SEMA6D: variants seen among roughly 807,000 people sequenced by gnomAD.
SEMA6D encodes semaphorin 6D.
SEMA6D carries 35 observed loss-of-function variants against 106.6 expected under a neutral mutation model. The observed-to-expected ratio is 0.33, with a 90% CI of 0.25 to 0.44. The LOEUF is 0.44. Among genes scored for constraint, SEMA6D ranks in the 20% least tolerant of loss-of-function variants. The probability of loss-of-function intolerance (pLI) is 1.00; values close to 1 mark genes in which losing one functional copy is unlikely to be tolerated. For synonymous variants in SEMA6D, 499 were observed against 487.7 expected, an observed-to-expected ratio of 1.02 and a Z score of -0.31; for missense variants, 1,185 against 1,345.9, an observed-to-expected ratio of 0.88 and a Z score of 1.87.
intron 1 of SEMA6D, among the ~76,000 whole-genome samples, chr15:47,371,137 G>A (rs145920967): frequency 7.9e-4 from 121 of 152,248 alleles, no homozygotes; most frequent in African/African-American, 2.8e-3. Context: ...TTCCTTTAGG[G>A]CCACAGTTTA....
intron 3 of SEMA6D, among the ~76,000 whole-genome samples, chr15:47,538,948 A>T (rs945009777): frequency 6.6e-6 from 1 of 152,206 alleles, no homozygotes; most frequent in African/African-American, 2.4e-5. Context: ...TATGAAGAAG[A>T]TCTACTTAGA....
chr15:47,465,484 G>C (rs918103936), intron 2 of SEMA6D, among the ~76,000 whole-genome samples: 33 of 152,244 alleles, frequency 2.2e-4, no homozygotes, highest in African/African-American at 7.2e-4. Context: ...TGTTCTAAAC[G>C]CAGTTGATAT....
Position 47,771,351 on chromosome 15 carries a change from T to TA in SEMA6D, c.2789dup (p.Tyr930Ter). 1 of 1,613,994 alleles carries TA rather than the reference T, an allele frequency of 6.2e-7. No individual in the cohort carries two copies. ...PKVPNREASL[Y>*]SPPSTLPRNS... ...AGTCCCTAACCGGGAGGCATCGCTA[T>TA]ACTCCCCTCCTTCAACTCTCCCCAG... is the stretch of plus-strand genomic sequence containing the variant. The change falls in exon 19 of 19, where the codon TAC becomes TAAC. Residue 930 changes from tyrosine to a stop codon, truncating the protein, a stop_gained and frameshift_variant. Coordinates refer to ENST00000536845, the MANE Select transcript of SEMA6D (RefSeq NM_001358351.3). LOFTEE classifies it high-confidence loss of function.
intron 1 of SEMA6D, among the ~76,000 whole-genome samples, chr15:47,198,999 A>C (rs1008753341): frequency 1.3e-5 from 2 of 152,202 alleles, no homozygotes; most frequent in African/African-American, 4.8e-5. Context: ...GAAGAGAAAA[A>C]CATTGACAAC....
chr15:47,517,198 T>A (rs1252160498), intron 3 of SEMA6D, among the ~76,000 whole-genome samples: 1 of 152,188 alleles, frequency 6.6e-6, no homozygotes, highest in Non-Finnish European at 1.5e-5. Context: ...GTTGTATGGC[T>A]GCCCCTGAAT....
At chr15:47,679,919 G>A (rs2078318419) in intron 4 of SEMA6D, among the ~76,000 whole-genome samples, 1 of 152,120 alleles carries the variant, frequency 6.6e-6, no homozygotes, top group African/African-American at 2.4e-5. Context: ...ATGTCTCCAA[G>A]CTATTAAATG....
chr15:47,222,453 C>A (rs889543802), intron 1 of SEMA6D, among the ~76,000 whole-genome samples: 1 of 152,150 alleles, frequency 6.6e-6, no homozygotes, highest in African/African-American at 2.4e-5. Context: ...CCCTTCATAG[C>A]CCCTGGATAA....
At chr15:47,680,216 A>G (rs1021933095) in intron 4 of SEMA6D, among the ~76,000 whole-genome samples, 1 of 152,152 alleles carries the variant, frequency 6.6e-6, no homozygotes, top group Non-Finnish European at 1.5e-5. Context: ...AGCTCCTAGC[A>G]TATCACATGT....
intron 2 of SEMA6D, among the ~76,000 whole-genome samples, chr15:47,413,884 G>C (rs1189933707): frequency 6.6e-6 from 1 of 152,112 alleles, no homozygotes; most frequent in Non-Finnish European, 1.5e-5. Flanking sequence ...AGCCTGATTT[G>C]CTCATTCTTG....
upstream of SEMA6D, among the ~76,000 whole-genome samples, chr15:47,715,032 G>A (rs994281858): frequency 6.6e-6 from 1 of 152,218 alleles, no homozygotes; most frequent in African/African-American, 2.4e-5. Flanking sequence ...GGGGAGCACA[G>A]AAGAAAAGCA....
At chr15:47,716,071 A>C (rs2146163564), upstream of SEMA6D, among the ~76,000 whole-genome samples, 1 of 152,316 alleles carries the variant, frequency 6.6e-6, no homozygotes, top group Non-Finnish European at 1.5e-5. Flanking sequence ...CAACCAGAAA[A>C]CACCAACTAG....
At chr15:47,322,663 T>C (rs577823559) in intron 1 of SEMA6D, among the ~76,000 whole-genome samples, 26 of 152,268 alleles carry the variant, frequency 1.7e-4, no homozygotes, top group Non-Finnish European at 2.9e-4. Context: ...GAAGGGCCTA[T>C]TTTTCTATTT....
At chr15:47,725,415 G>A (rs952575067) in intron 1 of SEMA6D, among the ~76,000 whole-genome samples, 1 of 152,150 alleles carries the variant, frequency 6.6e-6, no homozygotes, top group African/African-American at 2.4e-5. Context: ...GAAATGACTT[G>A]GAACGTTTTT....
intron 1 of SEMA6D, among the ~76,000 whole-genome samples, chr15:47,263,574 A>C (rs2034177040): frequency 6.6e-6 from 1 of 152,062 alleles, no homozygotes; most frequent in East Asian, 2.0e-4. Flanking sequence ...TGTGGAGAAA[A>C]AGGAGCACGT....
chr15:47,667,298 A>T (rs2078047100), intron 4 of SEMA6D, among the ~76,000 whole-genome samples: 1 of 152,246 alleles, frequency 6.6e-6, no homozygotes, highest in South Asian at 2.1e-4. Flanking sequence ...AAGTAATTGT[A>T]CATAACACTA....
chr15:47,393,907 T>A (rs550489546), intron 1 of SEMA6D, among the ~76,000 whole-genome samples: 1 of 152,316 alleles, frequency 6.6e-6, no homozygotes, highest in Admixed American at 6.5e-5. Flanking sequence ...TATATAAATC[T>A]TATGGAGAAG....
intron 1 of SEMA6D, among the ~76,000 whole-genome samples, chr15:47,737,147 C>A (rs529926901): frequency 1.3e-5 from 2 of 152,238 alleles, no homozygotes; most frequent in African/African-American, 4.8e-5. Flanking sequence ...TAGCTGAAAT[C>A]TCTTAATTAC....
chr15:47,686,636 C>A (rs753009544), intron 4 of SEMA6D, among the ~76,000 whole-genome samples: 2 of 152,228 alleles, frequency 1.3e-5, no homozygotes, highest in Non-Finnish European at 2.9e-5. Flanking sequence ...TGGTCACCCA[C>A]CCTCTCGGGC....
intron 1 of SEMA6D, among the ~76,000 whole-genome samples, chr15:47,252,231 G>A (rs1011145701): frequency 2.0e-5 from 3 of 151,994 alleles, no homozygotes; most frequent in African/African-American, 7.2e-5. Flanking sequence ...ATTATTGAGT[G>A]TTGCGATTTC....
Sources: allele counts gnomAD v4.1 joint callset (sites outside exome capture counted in the v4.1 genomes callset), GRCh38; gene constraint gnomAD v4.1.1; transcripts MANE v1.5; gene names NCBI Gene and HGNC (gene_info 2026-07-23, HGNC 2026-07-21).